HSPA4: variants seen among roughly 807,000 people sequenced by gnomAD.
HSPA4 encodes heat shock protein family A (Hsp70) member 4.
Under a neutral mutation model 106.2 loss-of-function variants are expected in HSPA4, and 25 were observed. The ratio of observed to expected loss-of-function variants is 0.24; its 90% CI spans 0.17 to 0.33. The LOEUF is 0.33. Ranked by LOEUF, HSPA4 falls within the 10% of genes least tolerant of loss-of-function variation. The pLI is 1.00. For synonymous variants in HSPA4, 332 were observed against 333.6 expected (o/e 1.00, Z 0.05); for missense variants, 841 against 996.0 (o/e 0.84, Z 2.10).
At chr5:133,079,561 C>G (rs1230962033) in intron 7 of HSPA4, among the ~76,000 whole-genome samples, 5 of 152,120 alleles carry the variant, frequency 3.3e-5, no homozygotes, top group Non-Finnish European at 7.4e-5. Context: ...TGGGTTTCTA[C>G]TTTTTAGCTA....
Position 133,104,030 on chromosome 5 carries a change from A to AT in HSPA4, c.2319+7dup. 6.2e-7 allele frequency: 1 copy of AT among 1,607,154 alleles called. No individual in the cohort carries two copies. Among genetic ancestry groups the AT allele is most frequent in the Non-Finnish European group, 8.5e-7 (1 of 1,176,870 alleles). ...AGAGATTGAAGCTAAAATTAAGGTA[A>AT]TTTAAGACTTTTTTTTAATAGTCTT... On this transcript the variant is annotated splice_donor_region_variant and intron_variant, in intron 18 of 18. Transcript: ENST00000304858.
At chr5:133,082,626 T>C (rs1765526462) in intron 7 of HSPA4, among the ~76,000 whole-genome samples, 1 of 151,966 alleles carries the variant, frequency 6.6e-6, no homozygotes, top group Non-Finnish European at 1.5e-5. Context: ...CCGACATATC[T>C]GGCCAATTTT....
At chr5:133,074,345 C>A (rs1306078084) in intron 6 of HSPA4, among the ~76,000 whole-genome samples, 1 of 150,414 alleles carries the variant, frequency 6.6e-6, no homozygotes, top group Non-Finnish European at 1.5e-5. Context: ...ATGGCGCGAT[C>A]TTGGCTCACC....
intron 15 of HSPA4, among the ~76,000 whole-genome samples, chr5:133,098,837 T>A (rs1765747950): frequency 1.3e-5 from 2 of 151,934 alleles, no homozygotes; most frequent in Non-Finnish European, 2.9e-5. Flanking sequence ...CATGCCTGGC[T>A]AATTTTTGTA....
At chr5:133,065,403 G>A (rs1765294809) in intron 2 of HSPA4, among the ~76,000 whole-genome samples, 1 of 152,174 alleles carries the variant, frequency 6.6e-6, no homozygotes, top group African/African-American at 2.4e-5. Flanking sequence ...TAGGTTATAG[G>A]CCAATACTAT....
chr5:133,101,395 A>G (rs905184935), intron 16 of HSPA4, among the ~76,000 whole-genome samples: 10 of 152,182 alleles, frequency 6.6e-5, no homozygotes, highest in African/African-American at 2.4e-4. Context: ...TGATGGTTAC[A>G]TTTAGAGGCT....
intron 7 of HSPA4, among the ~76,000 whole-genome samples, 176 bp downstream of exon 7, chr5:133,077,074 A>G (rs575902111): frequency 1.3e-4 from 20 of 152,336 alleles, no homozygotes; most frequent in Non-Finnish European, 2.8e-4. Flanking sequence ...GGTCTGGTTA[A>G]TAATGTAGAC....
chr5:133,070,118 G>T (rs1304128455), intron 3 of HSPA4, among the ~76,000 whole-genome samples: 1 of 152,084 alleles, frequency 6.6e-6, no homozygotes, highest in African/African-American at 2.4e-5. Flanking sequence ...AGTGAGCTGT[G>T]ATCATGCCAC....
At chr5:133,087,152 G>A (rs1376539345) in intron 8 of HSPA4, among the ~76,000 whole-genome samples, 1 of 152,186 alleles carries the variant, frequency 6.6e-6, no homozygotes. Context: ...TGCTGATATG[G>A]TAGTCTTATA....
At chr5:133,066,520 T>C (rs1040406437) in intron 2 of HSPA4, among the ~76,000 whole-genome samples, 11 of 152,174 alleles carry the variant, frequency 7.2e-5, no homozygotes, top group Non-Finnish European at 1.0e-4. Context: ...CTTACCACCT[T>C]CTGAAAACTT....
At chr5:133,100,929 C>G (rs528395836) in intron 16 of HSPA4, among the ~76,000 whole-genome samples, 29 of 152,240 alleles carry the variant, frequency 1.9e-4, no homozygotes, top group African/African-American at 6.7e-4. Context: ...CCTTAGTCTC[C>G]CAAGTAGCTA....
Position 133,104,241 on chromosome 5 carries a change from A to G in HSPA4, c.2328A>G (p.Thr776=). Residue 776 remains threonine (T), a synonymous_variant, in exon 19 of 19, where the codon ACA becomes ACG. Transcript: ENST00000304858. ...KEIEAKIKEL[T]STCSPIISKP... ...TGTCTTACCCATTCCAGGAGCTGAC[A>G]AGTACTTGTAGCCCTATAATTTCAA... 1 of 1,613,930 alleles carries G rather than the reference A, an allele frequency of 6.2e-7. No individual in the cohort carries two copies. Among genetic ancestry groups the G allele is most frequent in the Non-Finnish European group, 8.5e-7 (1 of 1,179,872 alleles).
rs1307239239 is a variant in HSPA4 at position 133,091,324 on chromosome 5, G to A, written c.1510G>A (p.Glu504Lys). 2 of 1,613,956 alleles carry A rather than the reference G, an allele frequency of 1.2e-6. No individual in the cohort carries two copies. The highest frequency in any genetic ancestry group is 1.7e-6 in the Non-Finnish European group (2 of 1,179,964). ...ATCTTTAGTGGAGGTTCACAAGTCT[G>A]AGGAAAATGAGGAGCCAATGGAAAC... is the stretch of plus-strand genomic sequence containing the variant. ...SASLVEVHKS[E>K]ENEEPMETDQ... Residue 504 changes from glutamate to lysine, a missense_variant, in exon 12 of 19, where the codon GAG becomes AAG. Glu to Lys is a moderately conservative substitution (Grantham distance 56, BLOSUM62 1). Transcript: ENST00000304858.
At chr5:133,088,327 C>T (rs1392466875) in intron 8 of HSPA4, 77 bp from the exon 9 acceptor site, 1 of 1,050,904 alleles carries the variant, frequency 9.5e-7, no homozygotes, top group Non-Finnish European at 1.4e-6. Context: ...TGTTACACAT[C>T]TGAGTTATTT....
chr5:133,073,927 T>G, intron 5 of HSPA4, 66 bp from the exon 6 acceptor site: 1 of 1,207,918 alleles, frequency 8.3e-7, no homozygotes, highest in South Asian at 1.7e-5. Flanking sequence ...AACCTCTTTT[T>G]TCCTGCTTAA....
At chr5:133,076,956 A>G in intron 7 of HSPA4, 58 bp downstream of exon 7, 2 of 1,391,342 alleles carry the variant, frequency 1.4e-6, no homozygotes, top group African/African-American at 1.4e-5. Flanking sequence ...CACATATATT[A>G]ACCTTTAATT....
intron 1 of HSPA4, among the ~76,000 whole-genome samples, chr5:133,060,404 C>T (rs1007817511): frequency 2.6e-5 from 4 of 151,902 alleles, no homozygotes; most frequent in African/African-American, 9.7e-5. Context: ...GCTCTGTCGC[C>T]CAGGCCGGAA....
chr5:133,101,442 CA>C (rs1206067440), intron 16 of HSPA4, among the ~76,000 whole-genome samples: 1 of 152,142 alleles, frequency 6.6e-6, no homozygotes, highest in Non-Finnish European at 1.5e-5. Context: ...TAAATTAAAA[CA>C]TTTTTTATTT....
chr5:133,099,515 A>T, intron 15 of HSPA4, 30 bp from the exon 16 acceptor site: 1 of 1,150,186 alleles, frequency 8.7e-7, no homozygotes, highest in Non-Finnish European at 1.3e-6. Flanking sequence ...TTTTTGATTG[A>T]CCTAATTATA....
Sources: allele counts gnomAD v4.1 joint callset (sites outside exome capture counted in the v4.1 genomes callset), GRCh38; gene constraint gnomAD v4.1.1; transcripts MANE v1.5; gene names NCBI Gene and HGNC (gene_info 2026-07-23, HGNC 2026-07-21).